The following NAALADL2 variants were observed in gnomAD, a reference collection of about 807,000 sequenced individuals.
NAALADL2 encodes the protein N-acetylated alpha-linked acidic dipeptidase like 2.
In NAALADL2, 76 loss-of-function variants were observed where a neutral mutation model predicts 87.2. That is an observed-to-expected ratio of 0.87 (90% CI 0.72 to 1.05). The LOEUF (loss-of-function observed/expected upper bound fraction) is 1.05. Ranked by LOEUF, NAALADL2 falls within the 50% of genes least tolerant of loss-of-function variation. The probability of loss-of-function intolerance (pLI) is 0.00; values close to 1 mark genes in which losing one functional copy is unlikely to be tolerated. For missense variants in NAALADL2, 1,089 were observed against 945.8 expected (o/e 1.15, Z -1.99); for synonymous variants, 354 against 331.0 (o/e 1.07, Z -0.75).
At chr3:175,646,160 A>T (rs1336581389) in intron 11 of NAALADL2, among the ~76,000 whole-genome samples, 1 of 152,034 alleles carries the variant, frequency 6.6e-6, no homozygotes, top group Admixed American at 6.6e-5. Context: ...TTCATTTCAA[A>T]TTTTTATGTA....
In NAALADL2 at chr3:175,602,393, ATATATC is replaced by A. The variant is rs1181152627; in HGVS notation, c.1801-24892_1801-24887del. Among the ~76,000 whole-genome samples, 4 of 152,136 alleles carry A rather than the reference ATATATC, an allele frequency of 2.6e-5. No individual in the cohort carries two copies. In the East Asian group the frequency reaches 7.7e-4, roughly 29 times the overall value. Reference sequence around the variant, plus strand: ...ACTTTAATACACAGTGATAAGTACTATATATCTATATATGTAACATGTATGTAAACA... The same window carrying A: ...ACTTTAATACACAGTGATAAGTACTATATATATGTAACATGTATGTAAACA... On this transcript the variant is annotated intron_variant, in intron 10 of 13. Coordinates refer to ENST00000454872, the MANE Select transcript of NAALADL2 (RefSeq NM_207015.3).
intron 2 of NAALADL2, among the ~76,000 whole-genome samples, chr3:174,700,587 A>G (rs1483758158): frequency 6.6e-6 from 1 of 152,208 alleles, no homozygotes; most frequent in Non-Finnish European, 1.5e-5. Context: ...AACAAAAAAA[A>G]TGTATTGAAT....
chr3:174,876,470 T>A (rs984780982), intron 1 of NAALADL2, among the ~76,000 whole-genome samples: 1 of 152,198 alleles, frequency 6.6e-6, no homozygotes, highest in African/African-American at 2.4e-5. Flanking sequence ...CAGTAAATGT[T>A]TATAAAATAT....
intron 1 of NAALADL2, among the ~76,000 whole-genome samples, chr3:174,512,720 C>T (rs1719678180): frequency 6.6e-6 from 1 of 151,970 alleles, no homozygotes; most frequent in Non-Finnish European, 1.5e-5. Flanking sequence ...TGTGTGGCTT[C>T]CTTCTTTCTC....
At chr3:175,738,464 C>T (rs376731248) in intron 12 of NAALADL2, among the ~76,000 whole-genome samples, 18 of 152,136 alleles carry the variant, frequency 1.2e-4, no homozygotes, top group African/African-American at 3.9e-4. Flanking sequence ...CCAGGCTGGT[C>T]GCAAATTACT....
At chr3:174,988,968 C>T (rs971825725) in intron 1 of NAALADL2, among the ~76,000 whole-genome samples, 1 of 152,114 alleles carries the variant, frequency 6.6e-6, no homozygotes, top group Non-Finnish European at 1.5e-5. Context: ...CTTGCATCTG[C>T]GTCTAGTGAG....
chr3:175,195,025 T>TTCTC (rs199512057), intron 2 of NAALADL2, among the ~76,000 whole-genome samples: 19 of 149,470 alleles, frequency 1.3e-4, no homozygotes, highest in East Asian at 1.9e-4. Context: ...TAATTTTTAA[T>TTCTC]TCTCTCTCTC....
chr3:175,352,301 G>C (rs1319430787), intron 5 of NAALADL2, among the ~76,000 whole-genome samples: 1 of 151,530 alleles, frequency 6.6e-6, no homozygotes, highest in Non-Finnish European at 1.5e-5. Flanking sequence ...TGAGGCTGAG[G>C]AGAAGAAGGA....
At chr3:174,615,808 A>T (rs1269755832) in intron 2 of NAALADL2, among the ~76,000 whole-genome samples, 2 of 152,120 alleles carry the variant, frequency 1.3e-5, no homozygotes, top group African/African-American at 4.8e-5. Context: ...AGAGAAATAC[A>T]TAATATGTAG....
intron 2 of NAALADL2, among the ~76,000 whole-genome samples, chr3:175,177,410 A>G (rs1399108258): frequency 1.3e-5 from 2 of 152,050 alleles, no homozygotes; most frequent in African/African-American, 4.8e-5. Context: ...TTTAATTCAC[A>G]TCTATGGATA....
intron 1 of NAALADL2, among the ~76,000 whole-genome samples, chr3:175,096,288 A>C (rs939032515): frequency 1.3e-5 from 2 of 152,122 alleles, no homozygotes; most frequent in Non-Finnish European, 2.9e-5. Context: ...TTTTAAGACA[A>C]GCTCTGGCAA....
At chr3:175,133,559 A>G (rs895120957) in intron 2 of NAALADL2, among the ~76,000 whole-genome samples, 3 of 152,194 alleles carry the variant, frequency 2.0e-5, no homozygotes, top group Non-Finnish European at 4.4e-5. Flanking sequence ...GTCTCCACCA[A>G]AAAAATACGA....
chr3:174,898,112 C>CAAAAAAAAAAA (rs913382744), intron 1 of NAALADL2, among the ~76,000 whole-genome samples: 26 of 14,496 alleles, frequency 1.8e-3, no homozygotes, highest in Admixed American at 2.7e-3. Flanking sequence ...GACTCCGTCT[C>CAAAAAAAAAAA]AAAAAAAAAA....
At position 174,574,529 on chromosome 3, in the gene NAALADL2, T is replaced by C. The variant is rs867825748; in HGVS notation, c.-115+23892T>C. 7.9e-5 allele frequency among the ~76,000 whole-genome samples: 12 copies of C among 152,128 alleles called. No homozygotes were observed. The South Asian group carries it at 1.2e-3, about 16-fold the overall frequency. On this transcript the variant is annotated intron_variant, in intron 2 of 3. Coordinates refer to the NAALADL2 transcript ENST00000434257. ...ATAAAAATTTCTGATCATGCAGTAA[T>C]GATGCTCTGTTAAGCAATTATCTGA...
chr3:175,758,926 C>A (rs904963963), intron 13 of NAALADL2, among the ~76,000 whole-genome samples: 3 of 151,888 alleles, frequency 2.0e-5, no homozygotes, highest in Non-Finnish European at 4.4e-5. Flanking sequence ...TAAGAAAGTT[C>A]TTGACAGAAC....
At chr3:175,535,233 A>T (rs4516620) in intron 9 of NAALADL2, among the ~76,000 whole-genome samples, 23,842 of 152,224 alleles carry the variant, frequency 0.16, 2,118 homozygotes, top group African/African-American at 0.24. Context: ...AGAGACCTTG[A>T]ATGAGCATAA....
rs1005098598 is a variant in NAALADL2 at position 175,336,221 on chromosome 3, A to G, written c.1090+11896A>G. On this transcript the variant is annotated intron_variant, in intron 5 of 13. Coordinates refer to ENST00000454872, the MANE Select transcript of NAALADL2 (RefSeq NM_207015.3). ...TGCAGTAAATTTGTTAAGGAAATGG[A>G]GAATCCAACTAAGCTACACTACAGA... 1.7e-4 allele frequency among the ~76,000 whole-genome samples: 26 copies of G among 152,306 alleles called. No homozygotes were observed. The South Asian group carries it at 4.8e-3, about 28-fold the overall frequency.
intron 1 of NAALADL2, among the ~76,000 whole-genome samples, chr3:174,539,592 C>G (rs918187591): frequency 6.6e-6 from 1 of 152,100 alleles, no homozygotes; most frequent in African/African-American, 2.4e-5. Context: ...ACCTTACTGA[C>G]AGATTTGTCC....
At chr3:174,701,236 A>G (rs1010548260) in intron 2 of NAALADL2, among the ~76,000 whole-genome samples, 11 of 151,212 alleles carry the variant, frequency 7.3e-5, no homozygotes, top group African/African-American at 2.7e-4. Flanking sequence ...CTTAAAATGT[A>G]TTTATAAATA....
Sources: allele counts gnomAD v4.1 joint callset (sites outside exome capture counted in the v4.1 genomes callset), GRCh38; gene constraint gnomAD v4.1.1; transcripts MANE v1.5; gene names NCBI Gene and HGNC (gene_info 2026-07-23, HGNC 2026-07-21).